Variants in FAR2 observed in about 807,000 individuals in gnomAD.
FAR2 encodes epididymis secretory protein Li 81.
A neutral mutation model predicts 56.0 loss-of-function variants in FAR2; 19 were observed. The observed-to-expected ratio is 0.34, with a 90% CI of 0.24 to 0.50. The LOEUF (loss-of-function observed/expected upper bound fraction) is 0.50, where lower values mean the gene tolerates loss of function less well. FAR2 is among the 20% of genes least tolerant of loss of function. FAR2 has a pLI of 0.98. For synonymous variants in FAR2, 219 were observed against 218.8 expected, an observed-to-expected ratio of 1.00 and a Z score of -0.01; for missense variants, 508 against 642.2, an observed-to-expected ratio of 0.79 and a Z score of 2.26.
At position 29,287,672 on chromosome 12, in the gene FAR2, A is replaced by G. The variant is rs188976574; in HGVS notation, c.190-5628A>G. On this transcript the variant is annotated intron_variant, in intron 2 of 11. Transcript: ENST00000536681. ...GTTATTGGGACTACATAATGTAGTT[A>G]TTTTTGAAGAGAAAGACTTTTTGAA... 2.0e-5 allele frequency among the ~76,000 whole-genome samples: 3 copies of G among 152,314 alleles called. No homozygotes were observed. In the East Asian group the frequency reaches 5.8e-4, roughly 29 times the overall value.
At chr12:29,193,345 T>C (rs1418024334) in intron 1 of FAR2, among the ~76,000 whole-genome samples, 1 of 152,218 alleles carries the variant, frequency 6.6e-6, no homozygotes. Context: ...TCCACCATTA[T>C]AGTATCTTAC....
intron 1 of FAR2, among the ~76,000 whole-genome samples, chr12:29,264,437 A>G (rs992047158): frequency 6.6e-6 from 1 of 152,090 alleles, no homozygotes; most frequent in African/African-American, 2.4e-5. Context: ...ACTGTCACCA[A>G]TGTTATTCAA....
chr12:29,320,518 A>G (rs1318316356), intron 9 of FAR2, among the ~76,000 whole-genome samples: 1 of 152,206 alleles, frequency 6.6e-6, no homozygotes, highest in Non-Finnish European at 1.5e-5. Flanking sequence ...CATGGGCATT[A>G]ACTTTGACCA....
chr12:29,295,266 G>T (rs1421847425), intron 3 of FAR2, among the ~76,000 whole-genome samples: 1 of 152,080 alleles, frequency 6.6e-6, no homozygotes, highest in African/African-American at 2.4e-5. Context: ...TAGAGACGGG[G>T]TTTCACAATC....
At chr12:29,296,596 G>A (rs778851056) in intron 3 of FAR2, among the ~76,000 whole-genome samples, 26 of 152,240 alleles carry the variant, frequency 1.7e-4, no homozygotes, top group Middle Eastern at 3.4e-3. Context: ...ATCTTTACAA[G>A]AGCAACTTAC....
At chr12:29,238,518 G>C (rs892860036) in intron 1 of FAR2, among the ~76,000 whole-genome samples, 1 of 151,776 alleles carries the variant, frequency 6.6e-6, no homozygotes, top group Non-Finnish European at 1.5e-5. Flanking sequence ...TTGGTGGCTG[G>C]AACTACATAA....
chr12:29,320,852 AGT>A (rs1949539235), intron 9 of FAR2, among the ~76,000 whole-genome samples: 2 of 152,320 alleles, frequency 1.3e-5, no homozygotes, highest in Non-Finnish European at 1.5e-5. Context: ...AAGATTGGAC[AGT>A]GTGGTTCATC....
At position 29,311,008 on chromosome 12, in the gene FAR2, A is replaced by G. The variant is rs1949340298; in HGVS notation, c.769-20A>G. The G allele has an allele frequency of 4.5e-6, 7 of 1,565,600 alleles. No homozygotes were observed. Among genetic ancestry groups the G allele is most frequent in the Non-Finnish European group, 5.3e-6 (6 of 1,136,334 alleles). On this transcript the variant is annotated intron_variant, in intron 6 of 11. Coordinates refer to ENST00000536681, the MANE Select transcript of FAR2 (RefSeq NM_001271783.2). ...TATTTAAGACCTGGTTTAATATTTTATGTTCTTTTTCCTATGCAGACTGGG... is the reference window on the plus strand; with the variant it reads ...TATTTAAGACCTGGTTTAATATTTTGTGTTCTTTTTCCTATGCAGACTGGG...
At chr12:29,186,445 T>C (rs11050103) in intron 1 of FAR2, among the ~76,000 whole-genome samples, 10,962 of 151,522 alleles carry the variant, frequency 0.072, 506 homozygotes, top group East Asian at 0.15. Flanking sequence ...CAAATCCATG[T>C]TCATCATTAT....
At chr12:29,248,156 C>T (rs545330084) in intron 1 of FAR2, among the ~76,000 whole-genome samples, 5 of 152,280 alleles carry the variant, frequency 3.3e-5, no homozygotes, top group Non-Finnish European at 7.4e-5. Flanking sequence ...GAGTGAAGCT[C>T]TGCTGCTTCT....
chr12:29,302,316 T>G (rs986035168), intron 4 of FAR2, among the ~76,000 whole-genome samples: 1 of 141,036 alleles, frequency 7.1e-6, no homozygotes, highest in African/African-American at 2.7e-5. Context: ...CCAAGACAAA[T>G]AGAACACGGC....
At chr12:29,309,136 TA>T in intron 5 of FAR2, 49 bp from the exon 6 acceptor site, 2 of 1,380,282 alleles carry the variant, frequency 1.4e-6, no homozygotes, top group Non-Finnish European at 1.0e-6. Flanking sequence ...GTTCCAAAGA[TA>T]AAACAATTTT....
chr12:29,200,254 G>C (rs1435625383), intron 1 of FAR2, among the ~76,000 whole-genome samples: 5 of 152,150 alleles, frequency 3.3e-5, no homozygotes, highest in Non-Finnish European at 7.3e-5. Context: ...GTACTCCCTG[G>C]TGCTGGGCAG....
chr12:29,273,455 G>A (rs1948652904), intron 2 of FAR2, among the ~76,000 whole-genome samples: 3 of 152,224 alleles, frequency 2.0e-5, no homozygotes, highest in African/African-American at 7.2e-5. Context: ...TGGCTGCCAC[G>A]GTGTGTAGGG....
intron 1 of FAR2, among the ~76,000 whole-genome samples, chr12:29,161,353 TAGATTAGCTTTACC>T (rs1236107308): frequency 6.6e-6 from 1 of 152,246 alleles, no homozygotes; most frequent in Non-Finnish European, 1.5e-5. Context: ...AGTTCAAACA[TAGATTAGCTTTACC>T]AGTTTTTGGA....
chr12:29,287,853 G>A (rs1948902158), intron 2 of FAR2, among the ~76,000 whole-genome samples: 2 of 152,176 alleles, frequency 1.3e-5, no homozygotes, highest in Admixed American at 1.3e-4. Context: ...AAGAGACCAT[G>A]TTAAAGGCCT....
At chr12:29,204,832 C>T (rs1947461143) in intron 1 of FAR2, among the ~76,000 whole-genome samples, 1 of 152,130 alleles carries the variant, frequency 6.6e-6, no homozygotes, top group African/African-American at 2.4e-5. Context: ...GAATAACTCA[C>T]TCATTCACTA....
intron 1 of FAR2, among the ~76,000 whole-genome samples, chr12:29,190,726 G>A (rs1950096489): frequency 6.6e-6 from 1 of 151,982 alleles, no homozygotes; most frequent in Non-Finnish European, 1.5e-5. Context: ...GCCTCCCAAA[G>A]TGCTGGGATT....
chr12:29,301,033 C>T (rs1949155128), intron 4 of FAR2, among the ~76,000 whole-genome samples: 2 of 152,148 alleles, frequency 1.3e-5, no homozygotes, highest in African/African-American at 4.8e-5. Context: ...TCAGCTCCCC[C>T]CATTTTCTAT....
Sources: allele counts gnomAD v4.1 joint callset (sites outside exome capture counted in the v4.1 genomes callset), GRCh38; gene constraint gnomAD v4.1.1; transcripts MANE v1.5; gene names NCBI Gene and HGNC (gene_info 2026-07-23, HGNC 2026-07-21).